Variants in RNF144A observed in about 807,000 individuals in gnomAD.
RNF144A encodes the protein E3 ubiquitin-protein ligase RNF144A.
In RNF144A, 11 loss-of-function variants were observed where a neutral mutation model predicts 38.7. That is an observed-to-expected ratio of 0.28 (90% confidence interval 0.18 to 0.47). The LOEUF is 0.47. Ranked by LOEUF, RNF144A falls within the 20% of genes least tolerant of loss-of-function variation. The pLI is 0.99. For synonymous variants in RNF144A, 149 were observed against 143.9 expected (o/e 1.04, Z -0.25); for missense variants, 316 against 377.2 (o/e 0.84, Z 1.34).
downstream of RNF144A, among the ~76,000 whole-genome samples, chr2:7,044,463 C>G (rs567738737): frequency 1.3e-5 from 2 of 152,288 alleles, no homozygotes; most frequent in Non-Finnish European, 2.9e-5. Context: ...ATTCCTGGCT[C>G]CCTCTTGTGG....
In RNF144A at chr2:7,041,382, G is replaced by T. The variant is rs1673033181; in HGVS notation, c.*1622G>T. 1 of 985,832 alleles carries T rather than the reference G, an allele frequency of 1.0e-6. No homozygotes were observed. The allele number at this position is 985,832 out of a possible 1,614,324, so 61.1% of individuals were successfully genotyped here. On this transcript the variant is annotated 3_prime_UTR_variant, in exon 9 of 9. Transcript: ENST00000320892. ...AACAGCGTCACCTCACTCTTCACCT[G>T]TCATGTTGATTTTCCTTATGAACCC...
rs58324246 is a variant in RNF144A at position 7,030,257 on chromosome 2, C to CTGTGTGTGTGTG, written c.747+80_747+91dup. 1,172 of 724,866 alleles carry CTGTGTGTGTGTG rather than the reference C, an allele frequency of 1.6e-3. 5 individuals are homozygous for CTGTGTGTGTGTG. The highest frequency in any genetic ancestry group is 1.6e-3 in the Non-Finnish European group (675 of 428,842). 44.9% of individuals were successfully genotyped at this position (724,866 alleles called of 1,614,324 possible). A position where few individuals can be genotyped will look rare whatever the true frequency, so the allele number is the denominator to read the frequency against. ...CTGGAAGGTTGATCTCAGAGAGAGA[C>CTGTGTGTGTGTG]TGTGTGTGTGTGTGTGTGTGTGTGT... On this transcript the variant is annotated intron_variant, in intron 8 of 8. Coordinates refer to ENST00000320892, the MANE Select transcript of RNF144A (RefSeq NM_014746.6).
At chr2:6,954,024 C>T (rs778497398) in intron 2 of RNF144A, among the ~76,000 whole-genome samples, 23 of 152,048 alleles carry the variant, frequency 1.5e-4, no homozygotes, top group African/African-American at 3.6e-4. Context: ...CCTGTTTTGT[C>T]GATAGCTTTC....
At position 7,041,499 on chromosome 2, in the gene RNF144A, G is replaced by A. The variant is rs1673040669; in HGVS notation, c.*1739G>A. On this transcript the variant is annotated 3_prime_UTR_variant, in exon 9 of 9. Coordinates refer to ENST00000320892, the MANE Select transcript of RNF144A (RefSeq NM_014746.6). ...TTAGTAACTCAGTAAGAACATGCCT[G>A]CGACTCCCTTTCTGGATGGAACCTG... The A allele has an allele frequency of 8.1e-6, 8 of 985,860 alleles. No homozygotes were observed. The highest frequency in any genetic ancestry group is 4.7e-5 in the South Asian group (1 of 21,286). The allele number at this position is 985,860 out of a possible 1,614,324, so 61.1% of individuals were successfully genotyped here.
chr2:6,919,639 C>T (rs1357679381), intron 1 of RNF144A, among the ~76,000 whole-genome samples: 1 of 152,090 alleles, frequency 6.6e-6, no homozygotes, highest in Non-Finnish European at 1.5e-5. Flanking sequence ...CGAGTCAGAC[C>T]CCCACTGGCT....
chr2:6,967,980 T>C (rs910246923), intron 2 of RNF144A, among the ~76,000 whole-genome samples: 4 of 152,232 alleles, frequency 2.6e-5, no homozygotes, highest in Middle Eastern at 3.2e-3. Flanking sequence ...GTGTTTTTTT[T>C]CAGAAACGGG....
chr2:6,979,046 A>T (rs1377492419), intron 2 of RNF144A, among the ~76,000 whole-genome samples: 1 of 152,176 alleles, frequency 6.6e-6, no homozygotes, highest in Admixed American at 6.5e-5. Flanking sequence ...CAGAAAGTAG[A>T]GAGACAGGAG....
chr2:7,034,167 C>T (rs1266168867), intron 8 of RNF144A, among the ~76,000 whole-genome samples: 1 of 151,978 alleles, frequency 6.6e-6, no homozygotes, highest in South Asian at 2.1e-4. Flanking sequence ...CACCACCTCT[C>T]TAATGACACC....
At chr2:6,973,386 G>A (rs1400108199) in intron 2 of RNF144A, among the ~76,000 whole-genome samples, 2 of 152,184 alleles carry the variant, frequency 1.3e-5, no homozygotes, top group East Asian at 3.9e-4. Flanking sequence ...TTATTGTACT[G>A]CCTCCATTTC....
At position 6,985,819 on chromosome 2, in the gene RNF144A, C is replaced by T. The variant is rs917336545; in HGVS notation, c.-11-11097C>T. Among the ~76,000 whole-genome samples, 9 of 152,126 alleles carry T rather than the reference C, an allele frequency of 5.9e-5. No homozygotes were observed. In the East Asian group the frequency reaches 1.4e-3, roughly 23 times the overall value. On this transcript the variant is annotated intron_variant, in intron 2 of 8. Coordinates refer to ENST00000320892, the MANE Select transcript of RNF144A (RefSeq NM_014746.6). ...TCCCGAGTAGCTGGGACTGCACGTG[C>T]GCACCATCGCACCCGGCTAATTTTT...
intron 2 of RNF144A, among the ~76,000 whole-genome samples, chr2:6,975,362 C>T (rs867075926): frequency 5.9e-5 from 9 of 152,162 alleles, no homozygotes; most frequent in South Asian, 2.1e-4. Context: ...ATGGGAGCTA[C>T]AAGATGAGAT....
At chr2:7,017,330 T>TC (rs1262027166) in intron 5 of RNF144A, among the ~76,000 whole-genome samples, 3 of 151,578 alleles carry the variant, frequency 2.0e-5, no homozygotes, top group Non-Finnish European at 4.4e-5. Flanking sequence ...TGTTTTTTTT[T>TC]TTTAAAGTAA....
chr2:6,956,367 A>G lies in RNF144A; in HGVS notation c.-12+15220A>G, dbSNP rs967831638. On this transcript the variant is annotated intron_variant, in intron 2 of 8. Coordinates refer to ENST00000320892, the MANE Select transcript of RNF144A (RefSeq NM_014746.6). The stretch of plus-strand genomic sequence containing the variant: ...GAAATGGTTGTGAAGTAGCCCAACA[A>G]GAGAGTCAGAGGTGCCTCCAGAAGA... Among the ~76,000 whole-genome samples, 7 of 152,328 alleles carry G rather than the reference A, an allele frequency of 4.6e-5. No individual in the cohort carries two copies. In the South Asian group the frequency reaches 8.3e-4, roughly 18 times the overall value.
intron 6 of RNF144A, among the ~76,000 whole-genome samples, chr2:7,056,440 T>C (rs892177343): frequency 5.9e-5 from 9 of 152,172 alleles, no homozygotes; most frequent in African/African-American, 2.2e-4. Context: ...CTGAATTGTG[T>C]CATTCCTCCA....
intron 6 of RNF144A, 28 bp from the exon 7 acceptor site, chr2:7,024,341 C>T (rs1230011652): frequency 6.3e-7 from 1 of 1,577,354 alleles, no homozygotes; most frequent in Non-Finnish European, 8.7e-7. Flanking sequence ...TCCGTTTGTG[C>T]AGAGTCCTCA....
chr2:7,027,468 G>T (rs1431341250), intron 7 of RNF144A, among the ~76,000 whole-genome samples: 2 of 152,254 alleles, frequency 1.3e-5, no homozygotes, highest in Non-Finnish European at 2.9e-5. Context: ...AGGAAGGCCA[G>T]AGAGGTTTAT....
intron 1 of RNF144A, among the ~76,000 whole-genome samples, chr2:6,926,295 T>C (rs1664861373): frequency 6.6e-6 from 1 of 152,210 alleles, no homozygotes. Context: ...GCTGACTCTG[T>C]TCAGGGCCCA....
chr2:6,950,876 A>G (rs888440348), intron 2 of RNF144A, among the ~76,000 whole-genome samples: 1 of 151,976 alleles, frequency 6.6e-6, no homozygotes, highest in Admixed American at 6.5e-5. Context: ...TATTTTTCTT[A>G]TTGATTTGAA....
At chr2:6,932,010 G>T (rs1020087109) in intron 1 of RNF144A, among the ~76,000 whole-genome samples, 6 of 152,186 alleles carry the variant, frequency 3.9e-5, no homozygotes, top group African/African-American at 1.4e-4. Context: ...TGATAAAGGG[G>T]TGTTAAAGTC....
Sources: allele counts gnomAD v4.1 joint callset (sites outside exome capture counted in the v4.1 genomes callset), GRCh38; gene constraint gnomAD v4.1.1; transcripts MANE v1.5; gene names NCBI Gene and HGNC (gene_info 2026-07-23, HGNC 2026-07-21).